The following CLDN16 variants were observed in gnomAD, a reference collection of about 807,000 sequenced individuals.
CLDN16 encodes the protein claudin-16.
A neutral mutation model predicts 24.6 loss-of-function variants in CLDN16; 13 were observed. That is an observed-to-expected ratio of 0.53 (90% CI 0.34 to 0.84). The LOEUF is 0.84. Among genes scored for constraint, CLDN16 ranks in the 40% least tolerant of loss-of-function variants. The pLI, the probability that CLDN16 is intolerant of heterozygous loss-of-function variation, is 0.01. For synonymous variants in CLDN16, 116 were observed against 106.7 expected, an observed-to-expected ratio of 1.09 and a Z score of -0.54; for missense variants, 298 against 292.7, an observed-to-expected ratio of 1.02 and a Z score of -0.13.
chr3:190,387,984 TG>T, upstream of CLDN16: 4 of 785,160 alleles, frequency 5.1e-6, no homozygotes, highest in South Asian at 6.2e-5. Context: ...GTCTTGGCAC[TG>T]GCACTTGGTC....
chr3:190,331,388 T>G (rs1338249682), intron 1 of CLDN16, among the ~76,000 whole-genome samples: 1 of 152,202 alleles, frequency 6.6e-6, no homozygotes, highest in Non-Finnish European at 1.5e-5. Flanking sequence ...ACAGTATTAT[T>G]TGGTAAAAAT....
intron 1 of CLDN16, among the ~76,000 whole-genome samples, chr3:190,365,813 C>T (rs1323060388): frequency 2.0e-5 from 3 of 151,662 alleles, no homozygotes; most frequent in Non-Finnish European, 4.4e-5. Flanking sequence ...CTCCCCTAGC[C>T]GACCCAGTTC....
upstream of CLDN16, among the ~76,000 whole-genome samples, chr3:190,317,721 T>A (rs145330615): frequency 6.6e-6 from 1 of 152,218 alleles, no homozygotes; most frequent in Non-Finnish European, 1.5e-5. Context: ...CATGCTCAAG[T>A]CCTACAGTTG....
At chr3:190,368,605 G>A (rs1270104423) in intron 1 of CLDN16, among the ~76,000 whole-genome samples, 1 of 151,952 alleles carries the variant, frequency 6.6e-6, no homozygotes, top group Non-Finnish European at 1.5e-5. Flanking sequence ...GTGGACAAGT[G>A]ACTTAAGTTC....
intron 2 of CLDN16, among the ~76,000 whole-genome samples, chr3:190,371,281 A>C (rs1718137432): frequency 6.6e-6 from 1 of 151,606 alleles, no homozygotes; most frequent in Admixed American, 6.6e-5. Flanking sequence ...GACTAATACA[A>C]CAGTTAAACA....
At chr3:190,400,284 G>A (rs1200014227) in intron 1 of CLDN16, among the ~76,000 whole-genome samples, 1 of 152,096 alleles carries the variant, frequency 6.6e-6, no homozygotes, top group East Asian at 1.9e-4. Context: ...CTGTCGCCAG[G>A]CTGCAGTGCA....
the CLDN16 span, chr3:190,307,681 G>C: frequency 6.6e-6 from 1 of 152,216 alleles, no homozygotes. Context: ...ATAAGATTAT[G>C]GTAAAAAATA....
chr3:190,406,037 G>A (rs563908431), intron 3 of CLDN16, among the ~76,000 whole-genome samples: 13 of 152,298 alleles, frequency 8.5e-5, no homozygotes, highest in Non-Finnish European at 1.9e-4. Flanking sequence ...AGAAACACTT[G>A]TAGATATGTA....
chr3:190,406,707 C>G (rs544116247), intron 3 of CLDN16, among the ~76,000 whole-genome samples: 1 of 147,898 alleles, frequency 6.8e-6, no homozygotes, highest in Non-Finnish European at 1.5e-5. Flanking sequence ...ATATATACTG[C>G]GTTTTCTAAA....
chr3:190,336,683 T>A (rs538308963), intron 1 of CLDN16, among the ~76,000 whole-genome samples: 1 of 152,092 alleles, frequency 6.6e-6, no homozygotes, highest in East Asian at 1.9e-4. Context: ...TTGTGTGGAG[T>A]CTCTGACAAG....
At chr3:190,407,018 G>T (rs941030197) in intron 3 of CLDN16, among the ~76,000 whole-genome samples, 1 of 152,112 alleles carries the variant, frequency 6.6e-6, no homozygotes, top group African/African-American at 2.4e-5. Context: ...GGGATTACAG[G>T]TGTGAGCCAA....
At chr3:190,318,371 C>T (rs372115434), upstream of CLDN16, among the ~76,000 whole-genome samples, 2 of 152,282 alleles carry the variant, frequency 1.3e-5, no homozygotes, top group Admixed American at 6.5e-5. Context: ...TGCCTCTTCC[C>T]CTTCAATCAC....
At chr3:190,408,938 CAT>C (rs1267333823) in intron 4 of CLDN16, among the ~76,000 whole-genome samples, 1 of 148,850 alleles carries the variant, frequency 6.7e-6, no homozygotes, top group South Asian at 2.1e-4. Flanking sequence ...CACATATACA[CAT>C]ATGTATATGC....
chr3:190,375,931 C>T (rs1172039255), intron 3 of CLDN16, among the ~76,000 whole-genome samples: 1 of 151,854 alleles, frequency 6.6e-6, no homozygotes, highest in African/African-American at 2.4e-5. Flanking sequence ...TATGTCTCTG[C>T]TGTGCCAGTA....
At chr3:190,328,576 A>G (rs996049733) in intron 1 of CLDN16, among the ~76,000 whole-genome samples, 1 of 152,162 alleles carries the variant, frequency 6.6e-6, no homozygotes, top group African/African-American at 2.4e-5. Context: ...GTATTCCATT[A>G]GCAAGGAATA....
chr3:190,324,529 C>A (rs897140908), intron 1 of CLDN16, among the ~76,000 whole-genome samples: 3 of 152,108 alleles, frequency 2.0e-5, no homozygotes, highest in Non-Finnish European at 2.9e-5. Flanking sequence ...ACATTTTCTG[C>A]GTTCAGTAAA....
At chr3:190,391,131 G>A (rs1003387274) in intron 1 of CLDN16, among the ~76,000 whole-genome samples, 1 of 143,854 alleles carries the variant, frequency 7.0e-6, no homozygotes, top group African/African-American at 2.5e-5. Flanking sequence ...CAAGTGTTTT[G>A]TTTTGTTTTG....
At chr3:190,404,734 G>T (rs781705418) in intron 2 of CLDN16, 28 bp from the exon 3 acceptor site, 1 of 1,612,804 alleles carries the variant, frequency 6.2e-7, no homozygotes, top group Admixed American at 1.7e-5. Context: ...TTCTGACTCT[G>T]CTTTAACCAT....
chr3:190,399,309 G>C (rs1171383335), intron 1 of CLDN16, among the ~76,000 whole-genome samples: 1 of 151,828 alleles, frequency 6.6e-6, no homozygotes, highest in Non-Finnish European at 1.5e-5. Context: ...TTCGAGATCA[G>C]CCTGACCAAC....
Sources: allele counts gnomAD v4.1 joint callset (sites outside exome capture counted in the v4.1 genomes callset), GRCh38; gene constraint gnomAD v4.1.1; transcripts MANE v1.5; gene names NCBI Gene and HGNC (gene_info 2026-07-23, HGNC 2026-07-21).